The following RPS6KC1 variants were observed in gnomAD, a reference collection of about 807,000 sequenced individuals.
RPS6KC1 encodes the protein inactive ribosomal protein S6 kinase delta-1.
Under a neutral mutation model 103.8 loss-of-function variants are expected in RPS6KC1, and 54 were observed. That is an observed-to-expected ratio of 0.52 (90% CI 0.42 to 0.65). The LOEUF (loss-of-function observed/expected upper bound fraction) is 0.65. Among genes scored for constraint, RPS6KC1 ranks in the 30% least tolerant of loss-of-function variants. The pLI is 0.00. For synonymous variants in RPS6KC1, 439 were observed against 438.7 expected, an observed-to-expected ratio of 1.00 and a Z score of -0.01; for missense variants, 1,151 against 1,253.8, an observed-to-expected ratio of 0.92 and a Z score of 1.24.
chr1:213,061,679 G>T (rs1015478598), intron 1 of RPS6KC1, among the ~76,000 whole-genome samples: 1 of 152,018 alleles, frequency 6.6e-6, no homozygotes, highest in African/African-American at 2.4e-5. Context: ...TGAAAATCAG[G>T]AATGCATGCA....
At chr1:213,615,254 AG>A in the RPS6KC1 span, among the ~76,000 whole-genome samples, 1 of 152,152 alleles carries the variant, frequency 6.6e-6, no homozygotes, top group Non-Finnish European at 1.5e-5. Flanking sequence ...GAGGCTGTCA[AG>A]GGGAGAGGCT....
chr1:213,374,085 T>C, the RPS6KC1 span, among the ~76,000 whole-genome samples: 10 of 152,188 alleles, frequency 6.6e-5, no homozygotes, highest in Admixed American at 6.5e-4. Context: ...GATCTTGTAA[T>C]GGTTAAGAGC....
intron 1 of RPS6KC1, among the ~76,000 whole-genome samples, chr1:213,053,540 A>G (rs1349979290): frequency 2.0e-5 from 3 of 152,218 alleles, no homozygotes; most frequent in African/African-American, 7.2e-5. Context: ...ATAGTAGAAG[A>G]GAGTTTAGTA....
chr1:213,124,707 GC>G (rs749548875), intron 5 of RPS6KC1, among the ~76,000 whole-genome samples: 11 of 152,044 alleles, frequency 7.2e-5, no homozygotes, highest in Non-Finnish European at 1.6e-4. Context: ...CCTCGAGCTG[GC>G]CGGAGAATAC....
the RPS6KC1 span, among the ~76,000 whole-genome samples, chr1:213,338,502 A>G: frequency 6.6e-5 from 10 of 152,196 alleles, no homozygotes; most frequent in Non-Finnish European, 1.3e-4. Flanking sequence ...TGGATCCTCT[A>G]TGGGACCTAC....
the RPS6KC1 span, among the ~76,000 whole-genome samples, chr1:213,461,444 T>C: frequency 6.6e-6 from 1 of 152,174 alleles, no homozygotes. Context: ...TTAAATTTCA[T>C]ATGGAACCGA....
At chr1:213,417,178 C>T in the RPS6KC1 span, among the ~76,000 whole-genome samples, 6 of 152,238 alleles carry the variant, frequency 3.9e-5, no homozygotes, top group East Asian at 7.7e-4. Flanking sequence ...TTCTTTCATT[C>T]GCCGGGCCCC....
At chr1:213,647,056 G>A in the RPS6KC1 span, among the ~76,000 whole-genome samples, 2 of 151,398 alleles carry the variant, frequency 1.3e-5, no homozygotes, top group African/African-American at 2.4e-5. Context: ...CATCACTACC[G>A]CCCGTAATAC....
intron 12 of RPS6KC1, among the ~76,000 whole-genome samples, chr1:213,248,300 C>G (rs1025790525): frequency 6.6e-6 from 1 of 152,060 alleles, no homozygotes; most frequent in East Asian, 1.9e-4. Context: ...ATGTTTCAGA[C>G]AGTAACTGTT....
chr1:213,781,252 G>A, the RPS6KC1 span, among the ~76,000 whole-genome samples: 1 of 152,198 alleles, frequency 6.6e-6, no homozygotes, highest in Admixed American at 6.5e-5. Flanking sequence ...GGATCAAGTA[G>A]TAGCAGGGGA....
chr1:213,617,763 C>A, the RPS6KC1 span, among the ~76,000 whole-genome samples: 2 of 152,176 alleles, frequency 1.3e-5, no homozygotes, highest in African/African-American at 4.8e-5. Flanking sequence ...TAGTGCCGAC[C>A]AGTTGGTTCA....
chr1:213,657,439 G>A, the RPS6KC1 span, among the ~76,000 whole-genome samples: 1 of 152,030 alleles, frequency 6.6e-6, no homozygotes, highest in Non-Finnish European at 1.5e-5. Flanking sequence ...AAAAAATAAT[G>A]TAATTATTTA....
intron 6 of RPS6KC1, among the ~76,000 whole-genome samples, chr1:213,160,845 G>A (rs1383568076): frequency 6.8e-6 from 1 of 146,248 alleles, no homozygotes; most frequent in Non-Finnish European, 1.5e-5. Flanking sequence ...ACTGGGGCCT[G>A]TCATGGGGTG....
At chr1:213,798,838 A>G in the RPS6KC1 span, among the ~76,000 whole-genome samples, 1 of 152,170 alleles carries the variant, frequency 6.6e-6, no homozygotes, top group Non-Finnish European at 1.5e-5. Flanking sequence ...CCCAAATCAT[A>G]TTTCCTATTC....
chr1:213,163,977 A>C (rs1427919770), intron 6 of RPS6KC1, among the ~76,000 whole-genome samples: 3 of 152,028 alleles, frequency 2.0e-5, no homozygotes, highest in Non-Finnish European at 2.9e-5. Flanking sequence ...TTCTTGTCCT[A>C]CTCAGAAACA....
chr1:213,456,044 C>T, the RPS6KC1 span, among the ~76,000 whole-genome samples: 5 of 152,244 alleles, frequency 3.3e-5, no homozygotes, highest in South Asian at 2.1e-4. Context: ...ACACCTGCTT[C>T]GGTGAACCCA....
the RPS6KC1 span, among the ~76,000 whole-genome samples, chr1:213,326,575 C>G: frequency 2.0e-5 from 3 of 152,306 alleles, no homozygotes; most frequent in African/African-American, 7.2e-5. Context: ...ATTACCCCCC[C>G]AAACAATATG....
chr1:213,178,821 T>A (rs911575250), intron 8 of RPS6KC1, among the ~76,000 whole-genome samples: 2 of 151,988 alleles, frequency 1.3e-5, no homozygotes, highest in African/African-American at 4.8e-5. Flanking sequence ...TTCAAACAAT[T>A]CTTCTGTCTC....
At chr1:213,793,555 G>A in the RPS6KC1 span, among the ~76,000 whole-genome samples, 1 of 152,096 alleles carries the variant, frequency 6.6e-6, no homozygotes, top group Non-Finnish European at 1.5e-5. Flanking sequence ...GAAACCATTA[G>A]GCACCGAGCT....
Sources: gnomAD v4.1 joint callset for allele counts (sites outside exome capture counted in the v4.1 genomes callset) on GRCh38, gnomAD v4.1.1 for gene constraint, MANE v1.5 for transcripts, NCBI Gene and HGNC (gene_info 2026-07-23, HGNC 2026-07-21) for gene names.